Variants in CD274 observed in about 807,000 individuals in gnomAD.
The protein encoded by CD274 is programmed cell death 1 ligand 1.
In CD274, 8 loss-of-function variants were observed where a neutral mutation model predicts 30.1. That is an observed-to-expected ratio of 0.27 (90% CI 0.16 to 0.48). The LOEUF is 0.48. Among genes scored for constraint, CD274 ranks in the 20% least tolerant of loss-of-function variants. The pLI, the probability that CD274 is intolerant of heterozygous loss-of-function variation, is 0.99. For missense variants in CD274, 353 were observed against 346.6 expected, an observed-to-expected ratio of 1.02 and a Z score of -0.15; for synonymous variants, 152 against 124.6, an observed-to-expected ratio of 1.22 and a Z score of -1.46.
chr9:5,450,762 G>A (rs1184039021), intron 1 of CD274, among the ~76,000 whole-genome samples, 166 bp downstream of exon 1: 1 of 152,200 alleles, frequency 6.6e-6, no homozygotes, highest in Non-Finnish European at 1.5e-5. Context: ...TACCTGTTGG[G>A]GTTAATAAGA....
rs539361136 is a variant in CD274, at chr9:5,469,181, C to A, written c.*1319C>A. The stretch of plus-strand genomic sequence containing the variant: ...CTTAAAATAACCCTGAAAAATAACA[C>A]TGGAATTCCTTTTCTAGCATTATAT... On this transcript the variant is annotated 3_prime_UTR_variant, in exon 7 of 7. Coordinates refer to ENST00000381577, the MANE Select transcript of CD274 (RefSeq NM_014143.4). 2 of 233,068 alleles carry A rather than the reference C, an allele frequency of 8.6e-6. No individual in the cohort carries two copies. The highest frequency in any genetic ancestry group is 1.2e-4 in the East Asian group (2 of 16,550). 14.4% of individuals were successfully genotyped at this position (233,068 alleles called of 1,614,324 possible).
chr9:5,470,066 G>A lies in CD274; in HGVS notation c.*2204G>A. On this transcript the variant is annotated 3_prime_UTR_variant, in exon 7 of 7. Transcript: ENST00000381577. ...CAGCCCTCCTAAGAGGCTTCCTGGA[G>A]GTTTCGAGATTCAGATGCCCTGGGA... 2 of 233,130 alleles carry A rather than the reference G, an allele frequency of 8.6e-6. No individual in the cohort carries two copies. Among genetic ancestry groups the A allele is most frequent in the Non-Finnish European group, 1.7e-5 (2 of 117,940 alleles). 14.4% of individuals were successfully genotyped at this position (233,130 alleles called of 1,614,324 possible).
At position 5,465,570 on chromosome 9, in the gene CD274, G is replaced by T. The variant is rs1563805833; in HGVS notation, c.754G>T (p.Gly252Cys). The T allele has an allele frequency of 6.2e-7, 1 of 1,608,284 alleles. No homozygotes were observed. Among genetic ancestry groups the T allele is most frequent in the Non-Finnish European group, 8.5e-7 (1 of 1,174,806 alleles). ...VILGAILLCLGVALTFIFRLR... is the reference protein window; with the variant it reads ...VILGAILLCLCVALTFIFRLR... ...TCTGGGAGCCATCTTATTATGCCTT[G>T]GTGTAGCACTGACATTCATCTTCCG... Residue 252 changes from glycine (G) to cysteine (C), a missense_variant, in exon 5 of 7, where the codon GGT becomes TGT. By Grantham distance (159) the Gly-to-Cys change is radical (BLOSUM62 -3). Transcript: ENST00000381577.
Position 5,462,952 on chromosome 9 carries a change from C to G in CD274, c.513C>G (p.Asp171Glu). 6.2e-7 allele frequency: 1 copy of G among 1,614,062 alleles called. No homozygotes were observed. The highest frequency in any genetic ancestry group is 1.1e-5 in the South Asian group (1 of 91,084). The change falls in exon 4 of 7, where the codon GAC becomes GAG. Residue 171 changes from aspartate to glutamate, a missense_variant. Asp to Glu is a conservative substitution (Grantham distance 45). Transcript: ENST00000381577. ...PKAEVIWTSS[D>E]HQVLSGKTTT... ...CCGAAGTCATCTGGACAAGCAGTGACCATCAAGTCCTGAGTGGTAAGACCA... is the reference window on the plus strand; with the variant it reads ...CCGAAGTCATCTGGACAAGCAGTGAGCATCAAGTCCTGAGTGGTAAGACCA...
chr9:5,468,501 A>G lies in CD274; in HGVS notation c.*639A>G. ...AAGGTGCTTGGTCTCCTCTATAACTACAAGTATACATTGGAAGCATAAAGA... is the reference window on the plus strand; with the variant it reads ...AAGGTGCTTGGTCTCCTCTATAACTGCAAGTATACATTGGAAGCATAAAGA... On this transcript the variant is annotated 3_prime_UTR_variant, in exon 7 of 7. Coordinates refer to ENST00000381577, the MANE Select transcript of CD274 (RefSeq NM_014143.4). The G allele has an allele frequency of 4.3e-6, 1 of 233,094 alleles. No individual in the cohort carries two copies. The highest frequency in any genetic ancestry group is 8.5e-6 in the Non-Finnish European group (1 of 117,908). The allele number at this position is 233,094 out of a possible 1,614,324, so 14.4% of individuals were successfully genotyped here. A position where few individuals can be genotyped will look rare whatever the true frequency, so the allele number is the denominator to read the frequency against.
At position 5,468,252 on chromosome 9, in the gene CD274, A is replaced by C; in HGVS notation, c.*390A>C. The C allele has an allele frequency of 3.4e-6, 1 of 291,966 alleles. No homozygotes were observed. The highest frequency in any genetic ancestry group is 6.4e-6 in the Non-Finnish European group (1 of 156,028). The allele number at this position is 291,966 out of a possible 1,614,324, so 18.1% of individuals were successfully genotyped here. On this transcript the variant is annotated 3_prime_UTR_variant, in exon 7 of 7. Transcript: ENST00000381577. ...GCCCTTTGCCTCCACTCAATGCCTC[A>C]ATTTGTTTTCTGCATGACTGAGAGT...
chr9:5,456,086 T>C lies in CD274; in HGVS notation c.-14-14T>C, dbSNP rs781409956. 9 of 1,506,716 alleles carry C rather than the reference T, an allele frequency of 6.0e-6. No individual in the cohort carries two copies. The highest frequency in any genetic ancestry group is 4.1e-5 in the African/African-American group (3 of 72,792). 93.3% of individuals were successfully genotyped at this position (1,506,716 alleles called of 1,614,324 possible). A position where few individuals can be genotyped will look rare whatever the true frequency, so the allele number is the denominator to read the frequency against. ...TAAGTGAAGCAGTCTTCTTTTCGTG[T>C]TTTCCATAATTAGGGCATTCCAGAA... On this transcript the variant is annotated splice_polypyrimidine_tract_variant and intron_variant, in intron 1 of 6. Coordinates refer to ENST00000381577, the MANE Select transcript of CD274 (RefSeq NM_014143.4).
rs780161178 is a variant in CD274 at position 5,466,849 on chromosome 9, T to C, written c.850+20T>C. The stretch of plus-strand genomic sequence containing the variant: ...AAAGTGGTAAGAATATCAGAAGGAA[T>C]TGGGAAGTAAAAGTCAAAGGAAACA... On this transcript the variant is annotated intron_variant, in intron 6 of 6. Transcript: ENST00000381577. 1.3e-5 allele frequency: 21 copies of C among 1,587,200 alleles called. No individual in the cohort carries two copies. The highest frequency in any genetic ancestry group is 3.3e-5 in the South Asian group (3 of 89,870).
chr9:5,459,374 C>G (rs1215553450), intron 3 of CD274, among the ~76,000 whole-genome samples: 1 of 152,200 alleles, frequency 6.6e-6, no homozygotes. Context: ...AAGGCAACCA[C>G]CAAGCTTCAC....
At chr9:5,463,204 C>A in intron 4 of CD274, 83 bp downstream of exon 4, 1 of 1,046,334 alleles carries the variant, frequency 9.6e-7, no homozygotes, top group Non-Finnish European at 1.5e-6. Context: ...CATAGTCATT[C>A]AGTGATTGTT....
chr9:5,465,730 C>G (rs1819487686), intron 5 of CD274, 124 bp downstream of exon 5: 1 of 618,200 alleles, frequency 1.6e-6, no homozygotes, highest in African/African-American at 1.8e-5. Context: ...CACTGTTCAA[C>G]AGCAATTATA....
chr9:5,463,033 A>T lies in CD274; in HGVS notation c.594A>T (p.Arg198Ser). 3 of 1,613,906 alleles carry T rather than the reference A, an allele frequency of 1.9e-6. No individual in the cohort carries two copies. Among genetic ancestry groups the T allele is most frequent in the Non-Finnish European group, 2.5e-6 (3 of 1,179,838 alleles). ...EKLFNVTSTL[R>S]INTTTNEIFY... ...TTTTCAATGTGACCAGCACACTGAG[A>T]ATCAACACAACAACTAATGAGATTT... The change falls in exon 4 of 7, where the codon AGA becomes AGT. Residue 198 changes from arginine to serine, a missense_variant. By Grantham distance (110) the Arg-to-Ser change is moderately radical (BLOSUM62 -1). Coordinates refer to ENST00000381577, the MANE Select transcript of CD274 (RefSeq NM_014143.4).
chr9:5,461,802 C>A (rs1322382558), intron 3 of CD274, among the ~76,000 whole-genome samples: 1 of 152,084 alleles, frequency 6.6e-6, no homozygotes, highest in Non-Finnish European at 1.5e-5. Flanking sequence ...AACCAATGAT[C>A]TAAAATTGAA....
chr9:5,457,071 C>T lies in CD274; in HGVS notation c.53-8C>T. On this transcript the variant is annotated splice_polypyrimidine_tract_variant and splice_region_variant and intron_variant, in intron 2 of 6. Coordinates refer to ENST00000381577, the MANE Select transcript of CD274 (RefSeq NM_014143.4). ...CCTTTTCTGAAGATTGTCCTTCTTT[C>T]TTTTTAGCATTTACTGTCACGGTTC... The T allele has an allele frequency of 6.3e-7, 1 of 1,580,024 alleles. No homozygotes were observed. Among genetic ancestry groups the T allele is most frequent in the Non-Finnish European group, 8.7e-7 (1 of 1,155,822 alleles).
intron 4 of CD274, among the ~76,000 whole-genome samples, chr9:5,465,136 T>C (rs1819475498): frequency 6.6e-6 from 1 of 151,832 alleles, no homozygotes; most frequent in Admixed American, 6.6e-5. Context: ...AGGCCGCCAT[T>C]TAATAGTGAG....
Position 5,469,488 on chromosome 9 carries a change from T to C in CD274, c.*1626T>C, listed in dbSNP as rs555215327. 1.7e-5 allele frequency: 4 copies of C among 230,828 alleles called. No homozygotes were observed. The highest frequency in any genetic ancestry group is 3.4e-5 in the Non-Finnish European group (4 of 116,686). 14.3% of individuals were successfully genotyped at this position (230,828 alleles called of 1,614,324 possible). ...GGAAATGTATGTTAAAAGCACGTATTTTTAAAATTTTTTTCCTAAATAGTA... is the reference window on the plus strand; with the variant it reads ...GGAAATGTATGTTAAAAGCACGTATCTTTAAAATTTTTTTCCTAAATAGTA... On this transcript the variant is annotated 3_prime_UTR_variant, in exon 7 of 7. Transcript: ENST00000381577.
At chr9:5,458,999 A>G (rs753574264) in intron 3 of CD274, among the ~76,000 whole-genome samples, 94 of 152,306 alleles carry the variant, frequency 6.2e-4, no homozygotes, top group Non-Finnish European at 1.3e-3. Context: ...TTCTGCTTCC[A>G]AAAAAGGTCT....
intron 3 of CD274, among the ~76,000 whole-genome samples, chr9:5,459,673 G>T (rs1409805800): frequency 6.6e-6 from 1 of 152,134 alleles, no homozygotes; most frequent in East Asian, 1.9e-4. Flanking sequence ...CACCTTTCTT[G>T]TTTGTGAGTT....
chr9:5,456,400 C>T (rs1291158115), intron 2 of CD274, among the ~76,000 whole-genome samples: 2 of 152,124 alleles, frequency 1.3e-5, no homozygotes, highest in Non-Finnish European at 2.9e-5. Flanking sequence ...ACAAAATAAT[C>T]TATTACCCAT....
Sources: gnomAD v4.1 joint callset for allele counts (sites outside exome capture counted in the v4.1 genomes callset) on GRCh38, gnomAD v4.1.1 for gene constraint, MANE v1.5 for transcripts, NCBI Gene and HGNC (gene_info 2026-07-23, HGNC 2026-07-21) for gene names.